Variants in RAB3C observed in about 807,000 individuals in gnomAD.
The protein encoded by RAB3C is ras-related protein Rab-3C.
Under a neutral mutation model 26.4 loss-of-function variants are expected in RAB3C, and 17 were observed. The observed-to-expected ratio is 0.64, with a 90% CI of 0.44 to 0.97. The LOEUF is 0.97. Among genes scored for constraint, RAB3C ranks in the 50% least tolerant of loss-of-function variants. RAB3C has a pLI of 0.00. For missense variants in RAB3C, 242 were observed against 281.9 expected (o/e 0.86, Z 1.01); for synonymous variants, 91 against 95.9 (o/e 0.95, Z 0.30).
At position 58,725,066 on chromosome 5, in the gene RAB3C, A is replaced by C. The variant is rs564969643; in HGVS notation, c.253-936A>C. Among the ~76,000 whole-genome samples, 14 of 151,846 alleles carry C rather than the reference A, an allele frequency of 9.2e-5. No homozygotes were observed. The Middle Eastern group carries it at 0.01, about 111-fold the overall frequency. On this transcript the variant is annotated intron_variant, in intron 2 of 4. Transcript: ENST00000282878. The stretch of plus-strand genomic sequence containing the variant: ...TTTAAGTGTCTTCTTTTTGCATATT[A>C]ATGGAGTTTGTTTTCAAATTGAAGA...
intron 3 of RAB3C, among the ~76,000 whole-genome samples, chr5:58,752,619 T>A (rs945458262): frequency 4.6e-5 from 7 of 152,176 alleles, no homozygotes; most frequent in Non-Finnish European, 7.4e-5. Flanking sequence ...GCCTTTTTGC[T>A]TGATTAAAAA....
At chr5:58,805,656 A>G (rs1279468016) in intron 3 of RAB3C, among the ~76,000 whole-genome samples, 1 of 152,078 alleles carries the variant, frequency 6.6e-6, no homozygotes, top group East Asian at 1.9e-4. Flanking sequence ...TTCAAGGCAG[A>G]GAACATAGAA....
intron 3 of RAB3C, among the ~76,000 whole-genome samples, chr5:58,750,447 G>C (rs1443712830): frequency 1.3e-5 from 2 of 151,642 alleles, no homozygotes; most frequent in East Asian, 3.9e-4. Context: ...GCCTGGCCTT[G>C]GCCCATTTCT....
At chr5:58,818,277 T>C (rs1373566893) in intron 3 of RAB3C, among the ~76,000 whole-genome samples, 4 of 152,220 alleles carry the variant, frequency 2.6e-5, no homozygotes, top group African/African-American at 9.6e-5. Flanking sequence ...TTCACTTGTT[T>C]ATAGCTCTTC....
At chr5:58,655,757 T>C (rs1044583584) in intron 2 of RAB3C, among the ~76,000 whole-genome samples, 2 of 151,858 alleles carry the variant, frequency 1.3e-5, no homozygotes, top group Non-Finnish European at 2.9e-5. Context: ...AAGAAAAGGG[T>C]TTCAGAATGG....
intron 2 of RAB3C, among the ~76,000 whole-genome samples, chr5:58,711,394 T>G (rs1347780081): frequency 6.6e-6 from 1 of 152,220 alleles, no homozygotes; most frequent in Non-Finnish European, 1.5e-5. Context: ...ATTTATGGCT[T>G]GCAGTTCAAC....
intron 3 of RAB3C, among the ~76,000 whole-genome samples, chr5:58,797,985 T>A (rs1742713926): frequency 6.6e-6 from 1 of 152,186 alleles, no homozygotes. Flanking sequence ...AAGAGTTTTT[T>A]TGTCCTAATT....
chr5:58,840,565 A>C (rs1466520572), intron 4 of RAB3C, among the ~76,000 whole-genome samples: 1 of 152,004 alleles, frequency 6.6e-6, no homozygotes, highest in African/African-American at 2.4e-5. Flanking sequence ...CCCTACACTG[A>C]TTTCTATGCA....
chr5:58,851,464 T>C lies in RAB3C; in HGVS notation c.*113T>C, dbSNP rs1450831803. On this transcript the variant is annotated 3_prime_UTR_variant, in exon 5 of 5. Coordinates refer to ENST00000282878, the MANE Select transcript of RAB3C (RefSeq NM_138453.4). ...CCTAACAATTATTTGAAGGAATAAA[T>C]TGATGTCAATGGCTCGTACGCATTC... is the stretch of plus-strand genomic sequence containing the variant. 1 of 839,794 alleles carries C rather than the reference T, an allele frequency of 1.2e-6. No individual in the cohort carries two copies. The highest frequency in any genetic ancestry group is 1.8e-6 in the Non-Finnish European group (1 of 561,544). The allele number at this position is 839,794 out of a possible 1,614,324, so 52.0% of individuals were successfully genotyped here. A position where few individuals can be genotyped will look rare whatever the true frequency, so the allele number is the denominator to read the frequency against.
rs181843512 is a variant in RAB3C, at chr5:58,664,234, T to C, written c.252+46364T>C. On this transcript the variant is annotated intron_variant, in intron 2 of 4. Coordinates refer to ENST00000282878, the MANE Select transcript of RAB3C (RefSeq NM_138453.4). ...TGGAAACAACCTAGATTTCCTTCAA[T>C]AGATGAATCATTAAACAAATGTGGC... Among the ~76,000 whole-genome samples the C allele has an allele frequency of 2.6e-5, 4 of 152,274 alleles. No individual in the cohort carries two copies. In the East Asian group the frequency reaches 5.8e-4, roughly 22 times the overall value.
At chr5:58,674,386 G>T (rs1047165302) in intron 2 of RAB3C, among the ~76,000 whole-genome samples, 1 of 152,074 alleles carries the variant, frequency 6.6e-6, no homozygotes, top group African/African-American at 2.4e-5. Flanking sequence ...GTGATTCCTG[G>T]GTTTTTAATT....
At chr5:58,690,788 T>A (rs1377767711) in intron 2 of RAB3C, among the ~76,000 whole-genome samples, 1 of 152,168 alleles carries the variant, frequency 6.6e-6, no homozygotes, top group Non-Finnish European at 1.5e-5. Context: ...TAGAAAGGCA[T>A]GAAAGATGAA....
At chr5:58,582,425 G>C (rs1745918481), upstream of RAB3C, 6 of 985,378 alleles carry the variant, frequency 6.1e-6, no homozygotes, top group Non-Finnish European at 7.2e-6. Flanking sequence ...GTAAGCAGGC[G>C]AAAGGAGTTC....
intron 1 of RAB3C, among the ~76,000 whole-genome samples, chr5:58,584,258 T>C (rs929947265): frequency 1.7e-4 from 26 of 152,238 alleles, no homozygotes; most frequent in Non-Finnish European, 4.4e-5. Flanking sequence ...TTTAAACATA[T>C]GCTTTGATTT....
chr5:58,605,828 C>T (rs1001544459), intron 1 of RAB3C, among the ~76,000 whole-genome samples: 8 of 152,116 alleles, frequency 5.3e-5, no homozygotes, highest in African/African-American at 1.9e-4. Context: ...TCGCTTACAC[C>T]CGGGAGGTAG....
intron 1 of RAB3C, among the ~76,000 whole-genome samples, chr5:58,607,823 A>C (rs1746606076): frequency 6.6e-6 from 1 of 152,182 alleles, no homozygotes; most frequent in South Asian, 2.1e-4. Flanking sequence ...AAGCTTCATA[A>C]GTGAAGGAGA....
At chr5:58,818,495 G>A (rs1331328872) in intron 3 of RAB3C, among the ~76,000 whole-genome samples, 1 of 152,058 alleles carries the variant, frequency 6.6e-6, no homozygotes, top group African/African-American at 2.4e-5. Flanking sequence ...AAAGCTTGAG[G>A]TATTTGTTTT....
At chr5:58,698,916 G>A (rs1437693619) in intron 2 of RAB3C, among the ~76,000 whole-genome samples, 1 of 152,130 alleles carries the variant, frequency 6.6e-6, no homozygotes, top group African/African-American at 2.4e-5. Flanking sequence ...ACCTTCTGAA[G>A]CCTACTTCTC....
chr5:58,746,948 C>T (rs1171204059), intron 3 of RAB3C, among the ~76,000 whole-genome samples: 1 of 152,186 alleles, frequency 6.6e-6, no homozygotes, highest in Non-Finnish European at 1.5e-5. Context: ...CATCCCAAAG[C>T]TAGCTAGAAG....
Sources: allele counts gnomAD v4.1 joint callset (sites outside exome capture counted in the v4.1 genomes callset), GRCh38; gene constraint gnomAD v4.1.1; transcripts MANE v1.5; gene names NCBI Gene and HGNC (gene_info 2026-07-23, HGNC 2026-07-21).